RAD18: variants seen among roughly 807,000 people sequenced by gnomAD.
RAD18 encodes the protein RAD18 E3 ubiquitin protein ligase, also known as E3 ubiquitin-protein ligase RAD18.
A neutral mutation model predicts 60.4 loss-of-function variants in RAD18; 47 were observed. That is an observed-to-expected ratio of 0.78 (90% confidence interval 0.62 to 0.99). The LOEUF (loss-of-function observed/expected upper bound fraction) is 0.99, where lower values mean the gene tolerates loss of function less well. Among genes scored for constraint, RAD18 ranks in the 50% least tolerant of loss-of-function variants. The probability of loss-of-function intolerance (pLI) is 0.00; values close to 1 mark genes in which losing one functional copy is unlikely to be tolerated. For synonymous variants in RAD18, 225 were observed against 195.5 expected, an observed-to-expected ratio of 1.15 and a Z score of -1.26; for missense variants, 640 against 593.3, an observed-to-expected ratio of 1.08 and a Z score of -0.82.
Position 8,898,958 on chromosome 3 carries a change from C to T in RAD18, c.1258G>A (p.Asp420Asn). The change falls in exon 11 of 13, where the codon GAT (aspartate) becomes AAT (asparagine). Residue 420 changes from aspartate to asparagine, a missense_variant. Coordinates refer to ENST00000264926, the MANE Select transcript of RAD18 (RefSeq NM_020165.4). ...PEELEPDREE[D>N]SSSCIDIQEV... is the part of the protein sequence containing the mutation. ...TGAATATCAATACAGCTAGAAGAATCCTCTTCTCTGTCAGGTTCCAATTCC... is the reference window on the plus strand; with the variant it reads ...TGAATATCAATACAGCTAGAAGAATTCTCTTCTCTGTCAGGTTCCAATTCC... 1.2e-6 allele frequency: 2 copies of T among 1,607,682 alleles called. No homozygotes were observed. The highest frequency in any genetic ancestry group is 2.7e-5 in the African/African-American group (2 of 74,880).
At chr3:8,932,089 T>A (rs1410065885) in intron 7 of RAD18, among the ~76,000 whole-genome samples, 2 of 152,160 alleles carry the variant, frequency 1.3e-5, no homozygotes, top group Admixed American at 1.3e-4. Flanking sequence ...GATCTTAGGA[T>A]AAGCAAATAT....
intron 7 of RAD18, among the ~76,000 whole-genome samples, chr3:8,932,989 G>A (rs879586178): frequency 4.6e-5 from 7 of 152,018 alleles, no homozygotes; most frequent in African/African-American, 7.2e-5. Context: ...CCAGCTACTC[G>A]GGAGGCTGAG....
intron 7 of RAD18, among the ~76,000 whole-genome samples, chr3:8,933,508 G>A (rs532222924): frequency 6.6e-6 from 1 of 152,312 alleles, no homozygotes; most frequent in East Asian, 1.9e-4. Flanking sequence ...AAAGCGACAA[G>A]CCATTGGATA....
At chr3:8,890,986 C>T (rs9871225) in intron 11 of RAD18, among the ~76,000 whole-genome samples, 5,834 of 151,908 alleles carry the variant, frequency 0.038, 150 homozygotes, top group African/African-American at 0.067. Flanking sequence ...CCCCCAATCC[C>T]ATGAAATTTT....
At chr3:8,921,385 T>C (rs1260149777) in intron 7 of RAD18, among the ~76,000 whole-genome samples, 2 of 152,180 alleles carry the variant, frequency 1.3e-5, no homozygotes, top group African/African-American at 4.8e-5. Flanking sequence ...AGGCACAATG[T>C]TCATGCCTGT....
At chr3:8,956,405 A>C (rs1241869461) in intron 2 of RAD18, among the ~76,000 whole-genome samples, 1 of 152,232 alleles carries the variant, frequency 6.6e-6, no homozygotes, top group Non-Finnish European at 1.5e-5. Context: ...CACACTTGAC[A>C]AAGGGATGAT....
intron 9 of RAD18, among the ~76,000 whole-genome samples, chr3:8,909,954 G>A (rs1053719483): frequency 6.6e-6 from 1 of 152,210 alleles, no homozygotes; most frequent in African/African-American, 2.4e-5. Context: ...TTCTCAGGAA[G>A]TTTCCTGGCA....
At chr3:8,917,953 G>C (rs1940236174) in intron 7 of RAD18, among the ~76,000 whole-genome samples, 1 of 152,160 alleles carries the variant, frequency 6.6e-6, no homozygotes, top group Non-Finnish European at 1.5e-5. Flanking sequence ...GTCATGAAAA[G>C]AAACCTGGAG....
In RAD18 at chr3:8,877,544, C is replaced by G. The variant is rs1939382276; in HGVS notation, c.*3813G>C. The G allele has an allele frequency of 6.6e-6, 1 of 152,166 alleles. No individual in the cohort carries two copies. The highest frequency in any genetic ancestry group is 6.5e-5 in the Admixed American group (1 of 15,280). 9.4% of individuals were successfully genotyped at this position (152,166 alleles called of 1,614,324 possible). ...GAACATGGTGATTAATGCTGTCCCC[C>G]TGGACTGATTTTCAAGCTTTCTATG... On this transcript the variant is annotated 3_prime_UTR_variant, in exon 13 of 13. Transcript: ENST00000264926.
intron 7 of RAD18, among the ~76,000 whole-genome samples, chr3:8,927,371 C>T (rs1420075668): frequency 1.3e-5 from 2 of 152,200 alleles, no homozygotes; most frequent in Admixed American, 1.3e-4. Flanking sequence ...TACCATCTCA[C>T]ACCAGTTAGA....
chr3:8,925,131 T>C (rs995738480), intron 7 of RAD18, among the ~76,000 whole-genome samples: 16 of 152,216 alleles, frequency 1.1e-4, no homozygotes, highest in Admixed American at 1.0e-3. Flanking sequence ...AGCTGGTTTT[T>C]TGAAAAAATC....
chr3:8,939,679 A>T, intron 5 of RAD18, 26 bp from the exon 6 acceptor site: 3 of 1,580,210 alleles, frequency 1.9e-6, no homozygotes, highest in Non-Finnish European at 2.6e-6. Flanking sequence ...AGAAAAAGAG[A>T]GACTTTATTA....
At position 8,880,745 on chromosome 3, in the gene RAD18, G is replaced by C. The variant is rs1036746033; in HGVS notation, c.*612C>G. ...TTATTGTGACTTTGTGACTGTCGTA[G>C]CTTTAAATTATAATACTAATATCCT... On this transcript the variant is annotated 3_prime_UTR_variant, in exon 13 of 13. Coordinates refer to ENST00000264926, the MANE Select transcript of RAD18 (RefSeq NM_020165.4). The C allele has an allele frequency of 1.3e-5, 2 of 152,140 alleles. No homozygotes were observed. Among genetic ancestry groups the C allele is most frequent in the Admixed American group, 1.3e-4 (2 of 15,268 alleles). 9.4% of individuals were successfully genotyped at this position (152,140 alleles called of 1,614,324 possible).
intron 6 of RAD18, 113 bp from the exon 7 acceptor site, chr3:8,936,168 CA>C: frequency 9.7e-7 from 1 of 1,035,798 alleles, no homozygotes; most frequent in Non-Finnish European, 1.3e-6. Context: ...ATAGTAGAAC[CA>C]TTAGATTAAA....
Position 8,887,706 on chromosome 3 carries a change from G to C in RAD18, c.1385+2683C>G, listed in dbSNP as rs189600632. 2.0e-5 allele frequency among the ~76,000 whole-genome samples: 3 copies of C among 152,286 alleles called. No homozygotes were observed. In the East Asian group the frequency reaches 5.8e-4, roughly 29 times the overall value. ...AAGCTCCAAGTCAAGTAAAGTAAAA[G>C]TCTTGCAAGTAGAGTCTTCAGGGAA... is the stretch of plus-strand genomic sequence containing the variant. On this transcript the variant is annotated intron_variant, in intron 12 of 12. Coordinates refer to ENST00000264926, the MANE Select transcript of RAD18 (RefSeq NM_020165.4).
At chr3:8,932,907 C>T (rs1446889133) in intron 7 of RAD18, among the ~76,000 whole-genome samples, 5 of 152,000 alleles carry the variant, frequency 3.3e-5, no homozygotes, top group Non-Finnish European at 7.4e-5. Flanking sequence ...ACTAGCCTGG[C>T]CAATATGGTG....
chr3:8,943,969 A>C (rs1940798405), intron 4 of RAD18, among the ~76,000 whole-genome samples: 1 of 152,166 alleles, frequency 6.6e-6, no homozygotes, highest in African/African-American at 2.4e-5. Flanking sequence ...AACAGATACT[A>C]GTGAAATAGA....
intron 7 of RAD18, among the ~76,000 whole-genome samples, chr3:8,928,046 AC>A (rs1332738749): frequency 7.4e-6 from 1 of 134,342 alleles, no homozygotes; most frequent in Non-Finnish European, 1.5e-5. Context: ...GTACCCTAAA[AC>A]TTAAAAAAAA....
chr3:8,917,497 AC>A (rs1468073837), intron 7 of RAD18, among the ~76,000 whole-genome samples: 2 of 152,198 alleles, frequency 1.3e-5, no homozygotes, highest in Non-Finnish European at 2.9e-5. Flanking sequence ...GGAATTCATG[AC>A]AATAACAATA....
Sources: gnomAD v4.1 joint callset for allele counts (sites outside exome capture counted in the v4.1 genomes callset) on GRCh38, gnomAD v4.1.1 for gene constraint, MANE v1.5 for transcripts, NCBI Gene and HGNC (gene_info 2026-07-23, HGNC 2026-07-21) for gene names.